The following ADGRD1 variants were observed in gnomAD, a reference collection of about 807,000 sequenced individuals.
The protein encoded by ADGRD1 is G-protein coupled receptor 133.
A neutral mutation model predicts 113.4 loss-of-function variants in ADGRD1; 77 were observed. The observed-to-expected ratio is 0.68, with a 90% CI of 0.57 to 0.82. The LOEUF (loss-of-function observed/expected upper bound fraction) is 0.82. ADGRD1 is among the 40% of genes least tolerant of loss of function. The pLI is 0.00. For missense variants in ADGRD1, 1,036 were observed against 1,139.1 expected (o/e 0.91, Z 1.30); for synonymous variants, 474 against 475.0 (o/e 1.00, Z 0.03).
rs533084608 is a variant in ADGRD1, at chr12:130,997,594, T to G, written c.967-2789T>G. Among the ~76,000 whole-genome samples, 8 of 148,234 alleles carry G rather than the reference T, an allele frequency of 5.4e-5. No individual in the cohort carries two copies. In the South Asian group the frequency reaches 1.7e-3, roughly 32 times the overall value. On this transcript the variant is annotated intron_variant, in intron 8 of 24. Coordinates refer to ENST00000261654, the MANE Select transcript of ADGRD1 (RefSeq NM_198827.5). ...CGGCGGGGCAAAGGCGCTCCCCACA[T>G]CTCAGACGATGGGCGGCCGGGCAGA...
chr12:131,138,120 C>G lies in ADGRD1; in HGVS notation c.2437-17C>G. 6.2e-7 allele frequency: 1 copy of G among 1,610,464 alleles called. No individual in the cohort carries two copies. The highest frequency in any genetic ancestry group is 2.2e-5 in the East Asian group (1 of 44,862). On this transcript the variant is annotated splice_polypyrimidine_tract_variant and intron_variant, in intron 23 of 24. Coordinates refer to ENST00000261654, the MANE Select transcript of ADGRD1 (RefSeq NM_198827.5). ...AGCCTCTGAAATTGCTCTCACGATC[C>G]CTTCCCCGCTTTCAAGGTGAGAGCC... is the stretch of plus-strand genomic sequence containing the variant.
chr12:130,999,477 A>T (rs1243451009), intron 8 of ADGRD1, among the ~76,000 whole-genome samples: 1 of 152,234 alleles, frequency 6.6e-6, no homozygotes, highest in Non-Finnish European at 1.5e-5. Flanking sequence ...CAAATGCATG[A>T]TGAGTTTTGA....
rs1351628759 is a variant in ADGRD1, at chr12:131,136,074, C to A, written c.2305C>A (p.Leu769Met). ...AKAVAVLLPI[L>M]GTSWVFGVLA... is the part of the protein sequence containing the mutation. Reference sequence around the variant, plus strand: ...GGCAGTGGCCGTGCTGCTGCCCATCCTGGGTACCTCGTGGGTCTTTGGCGT... The same window carrying A: ...GGCAGTGGCCGTGCTGCTGCCCATCATGGGTACCTCGTGGGTCTTTGGCGT... The change falls in exon 22 of 25, where the codon CTG becomes ATG. Residue 769 changes from leucine (L) to methionine (M), a missense_variant. Transcript: ENST00000261654. 6.2e-7 allele frequency: 1 copy of A among 1,614,180 alleles called. No homozygotes were observed. Among genetic ancestry groups the A allele is most frequent in the Admixed American group, 1.7e-5 (1 of 60,036 alleles).
At chr12:130,975,947 C>A (rs2136559374) in intron 4 of ADGRD1, among the ~76,000 whole-genome samples, 1 of 152,272 alleles carries the variant, frequency 6.6e-6, no homozygotes, top group South Asian at 2.1e-4. Flanking sequence ...CACCTTCCTC[C>A]CTCTGTGAAT....
At chr12:131,045,403 G>A (rs1224086011) in intron 13 of ADGRD1, among the ~76,000 whole-genome samples, 7 of 152,214 alleles carry the variant, frequency 4.6e-5, no homozygotes. Context: ...GGCGACAGGA[G>A]GATCCTGAAA....
Position 131,113,967 on chromosome 12 carries a change from T to A in ADGRD1, c.2042-4418T>A, listed in dbSNP as rs1221966756. On this transcript the variant is annotated intron_variant, in intron 18 of 24. Transcript: ENST00000261654. This position sits in a 1 kb window ranked among gnomAD's most constrained non-coding sequence, Gnocchi z 4.9. ...TTCTTTATGGATACAGTCATGTAAT[T>A]TAGAGGCATACGTGCATGTGTGCAC... is the stretch of plus-strand genomic sequence containing the variant. 1.3e-5 allele frequency among the ~76,000 whole-genome samples: 2 copies of A among 152,224 alleles called. No homozygotes were observed. Among genetic ancestry groups the A allele is most frequent in the Non-Finnish European group, 2.9e-5 (2 of 68,036 alleles).
At chr12:131,118,879 G>A (rs1950526230) in intron 19 of ADGRD1, among the ~76,000 whole-genome samples, 1 of 152,204 alleles carries the variant, frequency 6.6e-6, no homozygotes, top group Non-Finnish European at 1.5e-5. Flanking sequence ...GCATGTTGGA[G>A]TAAGTGGGGC....
intron 22 of ADGRD1, 132 bp from the exon 23 acceptor site, chr12:131,136,841 C>T: frequency 2.6e-6 from 2 of 783,530 alleles, no homozygotes; most frequent in Non-Finnish European, 4.6e-6. Flanking sequence ...TCCTCACGGG[C>T]CCCAGGTCAT....
rs1393260130 is a variant in ADGRD1 at position 130,966,177 on chromosome 12, TG to T, written c.104-285del. ...CTGACATGAATGGGCAAGCTTCTAG[TG>T]TGTCACCAGTAAATGCAGTGGCTTC... On this transcript the variant is annotated intron_variant, in intron 2 of 24. Transcript: ENST00000261654. The surrounding 1 kb of genome is among the most constrained non-coding windows in gnomAD (Gnocchi z 4.6). 2.0e-5 allele frequency among the ~76,000 whole-genome samples: 3 copies of T among 152,242 alleles called. No individual in the cohort carries two copies. The highest frequency in any genetic ancestry group is 2.0e-4 in the Admixed American group (3 of 15,284).
intron 15 of ADGRD1, among the ~76,000 whole-genome samples, chr12:131,099,793 C>T (rs1950027631): frequency 6.6e-6 from 1 of 152,218 alleles, no homozygotes; most frequent in Admixed American, 6.5e-5. Context: ...TTCTTACAAT[C>T]ATTTCAAGGC....
intron 20 of ADGRD1, among the ~76,000 whole-genome samples, chr12:131,121,754 A>G (rs1486270470): frequency 6.6e-6 from 1 of 152,144 alleles, no homozygotes; most frequent in African/African-American, 2.4e-5. Context: ...GGCTGGGCCC[A>G]GGGCTCCTGC....
intron 3 of ADGRD1, chr12:130,970,094 C>T (rs1871436491): frequency 6.6e-6 from 1 of 152,186 alleles, no homozygotes; most frequent in South Asian, 2.1e-4. Flanking sequence ...CATATACCCA[C>T]AAGAATCATA....
At position 131,104,930 on chromosome 12, in the gene ADGRD1, C is replaced by A; in HGVS notation, c.1771C>A (p.Leu591Met). 6.5e-7 allele frequency: 1 copy of A among 1,547,616 alleles called. No individual in the cohort carries two copies. The highest frequency in any genetic ancestry group is 8.7e-7 in the Non-Finnish European group (1 of 1,144,126). Residue 591 changes from leucine (L) to methionine (M), a missense_variant, in exon 16 of 25, where the codon CTG (leucine) becomes ATG (methionine). Leu to Met is a conservative substitution (Grantham distance 15). Transcript: ENST00000261654. Reference sequence around the variant, plus strand: ...GGCCACGCTGGTCACCTTCGCCGTGCTGTCGTGAGTCCCCTTTTCTAATCC... The same window carrying A: ...GGCCACGCTGGTCACCTTCGCCGTGATGTCGTGAGTCCCCTTTTCTAATCC... ...LVATLVTFAV[L>M]SSVSTIRNQR...
chr12:131,003,040 A>T lies in ADGRD1; in HGVS notation c.1027-145A>T. 1.3e-6 allele frequency: 1 copy of T among 762,400 alleles called. No individual in the cohort carries two copies. The highest frequency in any genetic ancestry group is 2.3e-6 in the Non-Finnish European group (1 of 435,714). 47.2% of individuals were successfully genotyped at this position (762,400 alleles called of 1,614,324 possible). On this transcript the variant is annotated intron_variant, in intron 9 of 24. Transcript: ENST00000261654. This position sits in a 1 kb window ranked among gnomAD's most constrained non-coding sequence, Gnocchi z 4.8. ...GTGGCCTCCGTGTGGTCCCCTCCTG[A>T]TCCATGGGAAGGGGCAGTTGTGTGA...
intron 15 of ADGRD1, among the ~76,000 whole-genome samples, chr12:131,100,873 A>G (rs1190676345): frequency 6.6e-6 from 1 of 152,232 alleles, no homozygotes; most frequent in Non-Finnish European, 1.5e-5. Context: ...TATTTTCTCA[A>G]TTTAAAAGAT....
chr12:130,993,216 T>C (rs1463053185), intron 8 of ADGRD1, among the ~76,000 whole-genome samples: 1 of 151,938 alleles, frequency 6.6e-6, no homozygotes, highest in Non-Finnish European at 1.5e-5. Flanking sequence ...TGGTGAGCAC[T>C]TTTCAAGGGT....
In ADGRD1 at chr12:131,092,406, C is replaced by T. The variant is rs138015166; in HGVS notation, c.1671+7743C>T. Among the ~76,000 whole-genome samples the T allele has an allele frequency of 3.4e-3, 521 of 152,298 alleles. 1 individual carries two copies. The highest frequency in any genetic ancestry group is 0.012 in the African/African-American group (491 of 41,564). On this transcript the variant is annotated intron_variant, in intron 15 of 24. Coordinates refer to ENST00000261654, the MANE Select transcript of ADGRD1 (RefSeq NM_198827.5). ...AGGGTGTGCAGGCCAGGGAGGTGGT[C>T]TGGTTGTCTAAGGTGGGAGAGCCCC...
In ADGRD1 at chr12:131,012,840, C is replaced by T. The variant is rs561877272; in HGVS notation, c.1332-1359C>T. Among the ~76,000 whole-genome samples, 316 of 152,242 alleles carry T rather than the reference C, an allele frequency of 2.1e-3. 2 individuals are homozygous for T. The highest frequency in any genetic ancestry group is 7.3e-3 in the African/African-American group (305 of 41,554). On this transcript the variant is annotated intron_variant, in intron 12 of 24. Coordinates refer to ENST00000261654, the MANE Select transcript of ADGRD1 (RefSeq NM_198827.5). ...GTCAGTCAGCGCTTTGGATGGTGGA[C>T]GGGGGAGGTGCACAGGACCCGGGTG...
chr12:131,080,308 G>T (rs970930230), intron 14 of ADGRD1, among the ~76,000 whole-genome samples: 1 of 152,060 alleles, frequency 6.6e-6, no homozygotes, highest in African/African-American at 2.4e-5. Flanking sequence ...CTGTTGATTT[G>T]TAAATAGTTT....
Sources: gnomAD v4.1 joint callset for allele counts (sites outside exome capture counted in the v4.1 genomes callset) on GRCh38, gnomAD v4.1.1 for gene constraint, Gnocchi (gnomAD v3.1) non-coding constraint, MANE v1.5 for transcripts, NCBI Gene and HGNC (gene_info 2026-07-23, HGNC 2026-07-21) for gene names.